Variants in MCC observed in about 807,000 individuals in gnomAD.
MCC encodes the protein MCC regulator of Wnt signaling pathway.
Under a neutral mutation model 116.2 loss-of-function variants are expected in MCC, and 90 were observed. The observed-to-expected ratio is 0.77, with a 90% confidence interval of 0.65 to 0.92. The LOEUF (loss-of-function observed/expected upper bound fraction) is 0.92, where lower values mean the gene tolerates loss of function less well. Ranked by LOEUF, MCC falls within the 40% of genes least tolerant of loss-of-function variation. The pLI is 0.00. For missense variants in MCC, 1,516 were observed against 1,312.2 expected, an observed-to-expected ratio of 1.16 and a Z score of -2.40; for synonymous variants, 578 against 510.5, an observed-to-expected ratio of 1.13 and a Z score of -1.78.
At chr5:113,144,339 T>C (rs1313167273) in intron 4 of MCC, among the ~76,000 whole-genome samples, 2 of 152,244 alleles carry the variant, frequency 1.3e-5, no homozygotes, top group African/African-American at 4.8e-5. Flanking sequence ...TCCTCAGTGA[T>C]GGAACAAGTA....
chr5:113,135,415 C>T (rs1415064572), intron 5 of MCC, among the ~76,000 whole-genome samples: 4 of 146,786 alleles, frequency 2.7e-5, no homozygotes, highest in Middle Eastern at 3.5e-3. Flanking sequence ...AAAAATTAGC[C>T]GGGTGTGGTG....
chr5:113,187,169 G>GT (rs1318825756), intron 3 of MCC, among the ~76,000 whole-genome samples: 1 of 152,070 alleles, frequency 6.6e-6, no homozygotes, highest in Non-Finnish European at 1.5e-5. Context: ...ACTACTAGCA[G>GT]TTTTTTTCAA....
intron 14 of MCC, among the ~76,000 whole-genome samples, chr5:113,062,586 A>AACAC (rs1378407361): frequency 2.0e-5 from 3 of 152,260 alleles, no homozygotes; most frequent in African/African-American, 7.2e-5. Flanking sequence ...ATACTAAATA[A>AACAC]ACACACAAAT....
At chr5:113,091,183 G>C (rs928895342) in intron 8 of MCC, among the ~76,000 whole-genome samples, 1 of 152,208 alleles carries the variant, frequency 6.6e-6, no homozygotes, top group Non-Finnish European at 1.5e-5. Flanking sequence ...GCACCTTTGG[G>C]TGTGAGGTCC....
chr5:113,338,236 AAGTG>A (rs1767917472), intron 3 of MCC, among the ~76,000 whole-genome samples: 1 of 152,234 alleles, frequency 6.6e-6, no homozygotes, highest in African/African-American at 2.4e-5. Flanking sequence ...GGATCGCCTT[AAGTG>A]AGTGTGCAGA....
At chr5:113,294,799 G>A (rs1170686915) in intron 3 of MCC, 6 of 987,074 alleles carry the variant, frequency 6.1e-6, no homozygotes, top group Non-Finnish European at 7.2e-6. Flanking sequence ...AGAGGGCACC[G>A]GCGAGCTCCC....
At chr5:113,381,365 A>G (rs1341829822) in intron 2 of MCC, among the ~76,000 whole-genome samples, 3 of 152,242 alleles carry the variant, frequency 2.0e-5, no homozygotes, top group African/African-American at 4.8e-5. Flanking sequence ...TTTTCACTGC[A>G]TTAAGGTTGG....
intron 3 of MCC, among the ~76,000 whole-genome samples, chr5:113,169,191 G>A (rs909255800): frequency 1.3e-5 from 2 of 151,990 alleles, no homozygotes; most frequent in Non-Finnish European, 2.9e-5. Flanking sequence ...GAGAAAAAGG[G>A]GAAAAGAATC....
At chr5:113,323,765 A>C (rs1767481400) in intron 3 of MCC, among the ~76,000 whole-genome samples, 1 of 152,220 alleles carries the variant, frequency 6.6e-6, no homozygotes, top group Non-Finnish European at 1.5e-5. Context: ...GCACAACTGC[A>C]GTCTCAGCTA....
intron 5 of MCC, among the ~76,000 whole-genome samples, chr5:113,135,047 T>C (rs1441309505): frequency 6.6e-6 from 1 of 150,792 alleles, no homozygotes; most frequent in African/African-American, 2.4e-5. Flanking sequence ...GTTCAAGCAA[T>C]TCTCCTGCCT....
intron 3 of MCC, among the ~76,000 whole-genome samples, chr5:113,248,133 C>T (rs929692833): frequency 6.0e-5 from 9 of 151,084 alleles, no homozygotes; most frequent in East Asian, 3.9e-4. Context: ...TCCAGGCTGA[C>T]GTGGGAGGAT....
At chr5:113,314,366 T>C (rs961004386) in intron 3 of MCC, among the ~76,000 whole-genome samples, 1 of 152,232 alleles carries the variant, frequency 6.6e-6, no homozygotes, top group African/African-American at 2.4e-5. Context: ...AAGATTTTTA[T>C]GGGAATTCCA....
chr5:113,066,488 T>TA (rs964580471), intron 13 of MCC, among the ~76,000 whole-genome samples: 11 of 151,928 alleles, frequency 7.2e-5, no homozygotes, highest in Non-Finnish European at 7.4e-5. Context: ...TAATACTATT[T>TA]AAAAAAAACC....
At chr5:113,292,092 C>T (rs776300085) in intron 3 of MCC, among the ~76,000 whole-genome samples, 4 of 151,950 alleles carry the variant, frequency 2.6e-5, no homozygotes, top group Non-Finnish European at 5.9e-5. Flanking sequence ...ATTAGCTGGG[C>T]GTAGTGGCAC....
At chr5:113,286,315 T>A (rs1766258512) in intron 3 of MCC, among the ~76,000 whole-genome samples, 1 of 152,202 alleles carries the variant, frequency 6.6e-6, no homozygotes, top group Admixed American at 6.5e-5. Context: ...TCTCACCACA[T>A]AACCAGTCAG....
At chr5:113,415,086 A>T (rs1437304351) in intron 1 of MCC, among the ~76,000 whole-genome samples, 2 of 152,174 alleles carry the variant, frequency 1.3e-5, no homozygotes, top group Non-Finnish European at 2.9e-5. Context: ...AGAATGTTGA[A>T]TATTGGCCCC....
At position 113,064,036 on chromosome 5, in the gene MCC, C is replaced by A. The variant is rs1017975329; in HGVS notation, c.2161G>T (p.Ala721Ser). ...DGSCGGAFAV[A>S]GCSVQPWESL... ...TCCCAGGGCTGCACGCTGCAGCCGG[C>A]CACGGCAAAGGCTCCCCCACAGCTG... Residue 721 changes from alanine to serine, a missense_variant, in exon 14 of 19, where the codon GCC (alanine) becomes TCC (serine). Physicochemically the swap from Ala to Ser is moderately conservative, Grantham distance 99. Coordinates refer to ENST00000408903, the MANE Select transcript of MCC (RefSeq NM_001085377.2). 2 of 1,613,988 alleles carry A rather than the reference C, an allele frequency of 1.2e-6. No individual in the cohort carries two copies. The highest frequency in any genetic ancestry group is 8.5e-7 in the Non-Finnish European group (1 of 1,180,020).
At chr5:113,218,431 G>A (rs1029023308) in intron 3 of MCC, among the ~76,000 whole-genome samples, 1 of 152,096 alleles carries the variant, frequency 6.6e-6, no homozygotes, top group Non-Finnish European at 1.5e-5. Context: ...TCTCCTCCTT[G>A]TTCCTGACAT....
intron 3 of MCC, among the ~76,000 whole-genome samples, chr5:113,260,458 A>C (rs892873081): frequency 5.3e-5 from 8 of 152,162 alleles, no homozygotes; most frequent in Non-Finnish European, 1.5e-5. Context: ...CATAAAGAAA[A>C]ATCTGGCCTC....
Sources: allele counts gnomAD v4.1 joint callset (sites outside exome capture counted in the v4.1 genomes callset), GRCh38; gene constraint gnomAD v4.1.1; transcripts MANE v1.5; gene names NCBI Gene and HGNC (gene_info 2026-07-23, HGNC 2026-07-21).